PTPRG: variants seen among roughly 807,000 people sequenced by gnomAD.
PTPRG encodes the protein protein tyrosine phosphatase receptor type G, also known as receptor-type tyrosine-protein phosphatase gamma.
In PTPRG, 102 loss-of-function variants were observed where a neutral mutation model predicts 165.3. The ratio of observed to expected loss-of-function variants is 0.62; its 90% CI spans 0.53 to 0.73. The LOEUF (loss-of-function observed/expected upper bound fraction) is 0.73, where lower values mean the gene tolerates loss of function less well. Ranked by LOEUF, PTPRG falls within the 30% of genes least tolerant of loss-of-function variation. The pLI, the probability that PTPRG is intolerant of heterozygous loss-of-function variation, is 0.00. For missense variants in PTPRG, 1,866 were observed against 1,861.4 expected, an observed-to-expected ratio of 1.00 and a Z score of -0.05; for synonymous variants, 675 against 669.5, an observed-to-expected ratio of 1.01 and a Z score of -0.13.
chr3:61,870,921 C>T (rs2107441802), intron 2 of PTPRG, among the ~76,000 whole-genome samples: 1 of 152,152 alleles, frequency 6.6e-6, no homozygotes, highest in East Asian at 1.9e-4. Context: ...GCTTAGAAAT[C>T]AGCAACGGGG....
intron 2 of PTPRG, among the ~76,000 whole-genome samples, chr3:61,927,978 G>C (rs1227339247): frequency 6.6e-6 from 1 of 152,118 alleles, no homozygotes; most frequent in Non-Finnish European, 1.5e-5. Context: ...AAAGCCATCT[G>C]TAACTCAGGT....
At chr3:62,140,873 AAG>A (rs1703901793) in intron 6 of PTPRG, among the ~76,000 whole-genome samples, 2 of 148,550 alleles carry the variant, frequency 1.3e-5, no homozygotes, top group Admixed American at 1.3e-4. Flanking sequence ...AAAAAAAAAA[AAG>A]AGTGGGGTGG....
At chr3:61,771,140 T>A (rs1489192561) in intron 2 of PTPRG, 2 of 152,176 alleles carry the variant, frequency 1.3e-5, no homozygotes, top group Admixed American at 6.6e-5. Flanking sequence ...TTGCCTTTTT[T>A]ATGCAGAACA....
intron 1 of PTPRG, among the ~76,000 whole-genome samples, chr3:61,612,641 C>G (rs35045100): frequency 1.3e-5 from 2 of 152,026 alleles, no homozygotes; most frequent in Middle Eastern, 3.2e-3. Flanking sequence ...TTTTTTCCCC[C>G]GTCTTCTCTA....
chr3:62,293,169 C>A lies in PTPRG; in HGVS notation c.4200C>A (p.Tyr1400Ter). 6.3e-7 allele frequency: 1 copy of A among 1,588,790 alleles called. No homozygotes were observed. The highest frequency in any genetic ancestry group is 8.5e-7 in the Non-Finnish European group (1 of 1,171,062). Residue 1400 changes from tyrosine to a stop codon, truncating the protein, a stop_gained, in exon 30 of 30, where the codon TAC becomes TAA. Transcript: ENST00000474889. LOFTEE classifies it high-confidence loss of function. ...TTCCTCTTGTTTTTCAGGAACAATA[C>A]CAGTTCATCTATAAAGCAATGCTTA... ...RPGVFTDIEQ[Y>*]QFIYKAMLSL...
intron 1 of PTPRG, among the ~76,000 whole-genome samples, chr3:61,605,254 T>A (rs1434318167): frequency 2.0e-5 from 3 of 152,056 alleles, no homozygotes; most frequent in Non-Finnish European, 4.4e-5. Flanking sequence ...TTAATTAATT[T>A]TTTTCTTTTT....
At chr3:61,985,605 G>A (rs2040739840) in intron 2 of PTPRG, among the ~76,000 whole-genome samples, 1 of 152,182 alleles carries the variant, frequency 6.6e-6, no homozygotes, top group Admixed American at 6.5e-5. Context: ...GGGAACTGGG[G>A]CAGCCCTGCT....
At chr3:62,046,182 G>A (rs78106937) in intron 4 of PTPRG, among the ~76,000 whole-genome samples, 14,462 of 152,152 alleles carry the variant, frequency 0.095, 904 homozygotes, top group South Asian at 0.15. Flanking sequence ...AACCTGTTAG[G>A]CAAGAATGGA....
At chr3:61,786,357 G>A (rs552525978) in intron 2 of PTPRG, among the ~76,000 whole-genome samples, 1 of 152,178 alleles carries the variant, frequency 6.6e-6, no homozygotes, top group African/African-American at 2.4e-5. Flanking sequence ...GGCATGGGAA[G>A]CACATGATAC....
chr3:62,282,686 A>C, intron 27 of PTPRG, 41 bp from the exon 28 acceptor site: 1 of 1,570,312 alleles, frequency 6.4e-7, no homozygotes, highest in Non-Finnish European at 8.6e-7. Context: ...TAGATATGTG[A>C]AATAAAGGAA....
In PTPRG at chr3:62,293,081, C is replaced by A. The variant is rs866659115; in HGVS notation, c.4192-80C>A. The A allele has an allele frequency of 8.2e-6, 10 of 1,220,940 alleles. No individual in the cohort carries two copies. The Middle Eastern group carries it at 9.6e-4, about 118-fold the overall frequency. The allele number at this position is 1,220,940 out of a possible 1,614,324, so 75.6% of individuals were successfully genotyped here. A position where few individuals can be genotyped will look rare whatever the true frequency, so the allele number is the denominator to read the frequency against. On this transcript the variant is annotated intron_variant, in intron 29 of 29. Transcript: ENST00000474889. ...TTCTCTAGTGTGTTTTTCACAATTA[C>A]CATTTTAATTGGTATTTCCACCTTA... is the stretch of plus-strand genomic sequence containing the variant.
At chr3:62,207,878 T>G (rs1700266707) in intron 12 of PTPRG, among the ~76,000 whole-genome samples, 1 of 152,196 alleles carries the variant, frequency 6.6e-6, no homozygotes, top group Non-Finnish European at 1.5e-5. Flanking sequence ...TGGTAAGGAC[T>G]GCAGCAAATT....
intron 5 of PTPRG, among the ~76,000 whole-genome samples, chr3:62,128,832 T>C (rs772631393): frequency 2.3e-4 from 35 of 151,480 alleles, no homozygotes; most frequent in Non-Finnish European, 4.4e-4. Flanking sequence ...CCCATGAATT[T>C]TTTTTTAAGT....
At chr3:62,187,100 A>C (rs1008980614) in intron 8 of PTPRG, among the ~76,000 whole-genome samples, 1 of 152,268 alleles carries the variant, frequency 6.6e-6, no homozygotes, top group South Asian at 2.1e-4. Flanking sequence ...ATGCAAGGTA[A>C]TGAACCAGAC....
chr3:61,994,865 A>G (rs1023741065), intron 3 of PTPRG, among the ~76,000 whole-genome samples: 3 of 152,138 alleles, frequency 2.0e-5, no homozygotes, highest in Non-Finnish European at 2.9e-5. Flanking sequence ...GCCAGGGGTA[A>G]CTACCCCTCC....
chr3:61,857,455 C>G (rs2037144001), intron 2 of PTPRG, among the ~76,000 whole-genome samples: 1 of 152,164 alleles, frequency 6.6e-6, no homozygotes, highest in Non-Finnish European at 1.5e-5. Context: ...TGGGATGGGT[C>G]AGGGAGTAGA....
chr3:61,723,434 C>G (rs1180594577), intron 1 of PTPRG, among the ~76,000 whole-genome samples: 1 of 151,872 alleles, frequency 6.6e-6, no homozygotes, highest in Non-Finnish European at 1.5e-5. Flanking sequence ...TTTGGTGAAA[C>G]AAGAAAAGGG....
chr3:61,770,058 T>C (rs938703106), intron 2 of PTPRG: 1 of 152,198 alleles, frequency 6.6e-6, no homozygotes, highest in Non-Finnish European at 1.5e-5. Flanking sequence ...TCCAGAAGTT[T>C]CCTTATTGCA....
intron 2 of PTPRG, chr3:61,750,273 G>A (rs1231667125): frequency 6.6e-6 from 1 of 152,194 alleles, no homozygotes; most frequent in Admixed American, 6.5e-5. Flanking sequence ...TCTGACATCA[G>A]TCAGGAGGAG....
Sources: gnomAD v4.1 joint callset for allele counts (sites outside exome capture counted in the v4.1 genomes callset) on GRCh38, gnomAD v4.1.1 for gene constraint, MANE v1.5 for transcripts, NCBI Gene and HGNC (gene_info 2026-07-23, HGNC 2026-07-21) for gene names.